Variants in DAB1 observed in about 807,000 individuals in gnomAD.
The protein encoded by DAB1 is disabled homolog 1.
In DAB1, 15 loss-of-function variants were observed where a neutral mutation model predicts 64.6. That is an observed-to-expected ratio of 0.23 (90% CI 0.16 to 0.36). DAB1 has a LOEUF of 0.36. Ranked by LOEUF, DAB1 falls within the 10% of genes least tolerant of loss-of-function variation. DAB1 has a pLI of 1.00. For synonymous variants in DAB1, 235 were observed against 251.9 expected (o/e 0.93, Z 0.64); for missense variants, 596 against 706.7 (o/e 0.84, Z 1.78).
intron 5 of DAB1, among the ~76,000 whole-genome samples, chr1:58,122,968 A>G (rs954984855): frequency 2.0e-5 from 3 of 152,224 alleles, no homozygotes; most frequent in Non-Finnish European, 2.9e-5. Flanking sequence ...AAAAAAGAAC[A>G]GTAAGTGGCA....
intron 4 of DAB1, among the ~76,000 whole-genome samples, chr1:57,107,462 G>T (rs938924976): frequency 1.3e-5 from 2 of 151,548 alleles, no homozygotes. Flanking sequence ...CCTTGTGATA[G>T]GTTTTAGGGG....
chr1:58,504,768 C>T (rs1256913852), intron 3 of DAB1, among the ~76,000 whole-genome samples: 2 of 152,098 alleles, frequency 1.3e-5, no homozygotes, highest in Admixed American at 1.3e-4. Context: ...AAACTGCATA[C>T]CGTTTTTATT....
At chr1:57,100,637 C>T (rs1445572415) in intron 4 of DAB1, among the ~76,000 whole-genome samples, 9 of 151,862 alleles carry the variant, frequency 5.9e-5, no homozygotes, top group Non-Finnish European at 1.0e-4. Flanking sequence ...ATTCAAGGGG[C>T]AAAGTGGCAG....
intron 3 of DAB1, among the ~76,000 whole-genome samples, chr1:58,438,523 G>A (rs568740366): frequency 2.2e-4 from 33 of 152,262 alleles, no homozygotes; most frequent in African/African-American, 7.7e-4. Context: ...CAGCATGCTG[G>A]GCACTATTTG....
At chr1:57,024,652 AC>A (rs1570528399) in intron 10 of DAB1, among the ~76,000 whole-genome samples, 1 of 152,118 alleles carries the variant, frequency 6.6e-6, no homozygotes, top group African/African-American at 2.4e-5. Context: ...ACTTTTAAAC[AC>A]AGTCAGTGCT....
chr1:58,471,958 T>C (rs1047285319), intron 3 of DAB1, among the ~76,000 whole-genome samples: 2 of 152,228 alleles, frequency 1.3e-5, no homozygotes, highest in Non-Finnish European at 2.9e-5. Context: ...CTAATACAGC[T>C]GGGCAACAAC....
intron 5 of DAB1, among the ~76,000 whole-genome samples, chr1:57,905,211 G>A (rs1461824117): frequency 1.3e-5 from 2 of 151,890 alleles, no homozygotes; most frequent in Non-Finnish European, 2.9e-5. Context: ...TCTGGCTCTA[G>A]AGTCCTTGCA....
intron 5 of DAB1, among the ~76,000 whole-genome samples, chr1:57,964,386 T>C (rs1446775098): frequency 6.6e-6 from 1 of 152,208 alleles, no homozygotes; most frequent in Non-Finnish European, 1.5e-5. Flanking sequence ...TGCTACATAT[T>C]TAATTTTCAC....
chr1:58,299,429 T>TAG (rs1662069502), intron 4 of DAB1, among the ~76,000 whole-genome samples: 1 of 152,242 alleles, frequency 6.6e-6, no homozygotes, highest in Admixed American at 6.5e-5. Flanking sequence ...AGAACTTCTA[T>TAG]TCACATTTAT....
chr1:58,465,783 G>A (rs1213469845), intron 3 of DAB1, among the ~76,000 whole-genome samples: 2 of 152,156 alleles, frequency 1.3e-5, no homozygotes, highest in Non-Finnish European at 2.9e-5. Context: ...AACCTTAGGA[G>A]ACAGGAACCG....
rs545482320 is a variant in DAB1 at position 57,962,433 on chromosome 1, ATCC to A, written n.388-78274_388-78272del. Among the ~76,000 whole-genome samples, 22 of 152,238 alleles carry A rather than the reference ATCC, an allele frequency of 1.4e-4. No individual in the cohort carries two copies. The East Asian group carries it at 3.9e-3, about 27-fold the overall frequency. On this transcript the variant is annotated intron_variant and non_coding_transcript_variant, in intron 5 of 20. Coordinates refer to the DAB1 transcript ENST00000485760. Reference sequence around the variant, plus strand: ...TAAGCTTCATCAACTAGGTACTGACATCCTCCTTCCTATGATCATCTCACCACT... The same window carrying A: ...TAAGCTTCATCAACTAGGTACTGACATCCTTCCTATGATCATCTCACCACT...
chr1:57,070,466 A>G lies in DAB1; in HGVS notation c.597+557T>C, dbSNP rs115319355. The stretch of plus-strand genomic sequence containing the variant: ...TGCAGATCTTGAAGAGAGTCCAGAG[A>G]AAGCTAGGGGCAGAAGTGTCTTTAG... On this transcript the variant is annotated intron_variant, in intron 7 of 14. Transcript: ENST00000371236. 8.5e-3 allele frequency among the ~76,000 whole-genome samples: 1,301 copies of G among 152,240 alleles called. 19 individuals carry two copies. Among genetic ancestry groups the G allele is most frequent in the African/African-American group, 0.03 (1,241 of 41,550 alleles).
intron 6 of DAB1, among the ~76,000 whole-genome samples, chr1:57,765,774 G>A (rs1371044695): frequency 2.0e-5 from 3 of 152,044 alleles, no homozygotes; most frequent in Admixed American, 1.3e-4. Context: ...TCTCCTCCCT[G>A]GCTACTCCTT....
intron 5 of DAB1, among the ~76,000 whole-genome samples, chr1:57,931,402 A>G (rs1318154356): frequency 2.6e-5 from 4 of 152,162 alleles, no homozygotes; most frequent in African/African-American, 7.2e-5. Context: ...CTCTGGTTCT[A>G]TCTTCTGAAA....
At chr1:58,239,865 C>G (rs1557709701) in intron 4 of DAB1, among the ~76,000 whole-genome samples, 1 of 152,166 alleles carries the variant, frequency 6.6e-6, no homozygotes, top group Non-Finnish European at 1.5e-5. Flanking sequence ...ACAGAAAAAT[C>G]AGCCAAGAAG....
intron 7 of DAB1, among the ~76,000 whole-genome samples, chr1:57,070,229 T>C (rs1651318449): frequency 6.6e-6 from 1 of 152,178 alleles, no homozygotes; most frequent in Admixed American, 6.5e-5. Flanking sequence ...CACACACACA[T>C]GCACACACAA....
At chr1:58,488,129 T>TA (rs1436131879) in intron 3 of DAB1, among the ~76,000 whole-genome samples, 1 of 152,182 alleles carries the variant, frequency 6.6e-6, no homozygotes, top group Admixed American at 6.5e-5. Flanking sequence ...ACAGATTTAG[T>TA]AAAAACTCAT....
At chr1:57,745,626 G>C (rs1025012969) in intron 6 of DAB1, among the ~76,000 whole-genome samples, 4 of 152,034 alleles carry the variant, frequency 2.6e-5, no homozygotes, top group African/African-American at 7.2e-5. Flanking sequence ...TTATATTTAA[G>C]TTTTTGAGAC....
intron 5 of DAB1, among the ~76,000 whole-genome samples, chr1:57,992,999 A>C (rs1362330555): frequency 6.6e-6 from 1 of 152,042 alleles, no homozygotes; most frequent in Non-Finnish European, 1.5e-5. Context: ...ATCTCAGTAC[A>C]CCTTTTTATG....
Sources: allele counts gnomAD v4.1 joint callset (sites outside exome capture counted in the v4.1 genomes callset), GRCh38; gene constraint gnomAD v4.1.1; transcripts MANE v1.5; gene names NCBI Gene and HGNC (gene_info 2026-07-23, HGNC 2026-07-21).